FLI1: variants seen among roughly 807,000 people sequenced by gnomAD.
The protein encoded by FLI1 is Friend leukemia integration 1 transcription factor.
In FLI1, 13 loss-of-function variants were observed where a neutral mutation model predicts 53.1. The observed-to-expected ratio is 0.24, with a 90% CI of 0.16 to 0.39. FLI1 has a LOEUF of 0.39. FLI1 is among the 10% of genes least tolerant of loss of function. The probability of loss-of-function intolerance (pLI) is 1.00; values close to 1 mark genes in which losing one functional copy is unlikely to be tolerated. For synonymous variants in FLI1, 244 were observed against 236.7 expected, an observed-to-expected ratio of 1.03 and a Z score of -0.28; for missense variants, 424 against 600.5, an observed-to-expected ratio of 0.71 and a Z score of 3.07.
chr11:128,773,832 G>T, intron 4 of FLI1, among the ~76,000 whole-genome samples: 1 of 151,800 alleles, frequency 6.6e-6, no homozygotes, highest in Non-Finnish European at 1.5e-5. Context: ...CTGAAAAGAT[G>T]GTGCTAGGAT....
chr11:128,789,929 T>C (rs905464405), intron 5 of FLI1, among the ~76,000 whole-genome samples: 3 of 152,140 alleles, frequency 2.0e-5, no homozygotes, highest in African/African-American at 7.2e-5. Flanking sequence ...CACTTCAAAT[T>C]GGAGGGTATC....
chr11:128,694,592 A>C lies in FLI1; in HGVS notation c.18+316A>C, dbSNP rs11221436. Among the ~76,000 whole-genome samples the C allele has an allele frequency of 1, 152,112 of 152,128 alleles. 76,048 individuals carry two copies. The highest frequency in any genetic ancestry group is 1 in the Middle Eastern group (294 of 294). ...AAACCGGGGGACCCCAGGGTACGGAACGGAGTCAAGGGCGAGAGACCTCGG... is the reference window on the plus strand; with the variant it reads ...AAACCGGGGGACCCCAGGGTACGGACCGGAGTCAAGGGCGAGAGACCTCGG... On this transcript the variant is annotated intron_variant, in intron 1 of 8. Transcript: ENST00000527786.
intron 1 of FLI1, among the ~76,000 whole-genome samples, chr11:128,710,998 C>T (rs1480963278): frequency 6.6e-6 from 1 of 152,170 alleles, no homozygotes; most frequent in African/African-American, 2.4e-5. Context: ...GAAAACTTTC[C>T]TTATCAGGGC....
chr11:128,694,937 C>T (rs1365855298), intron 1 of FLI1, among the ~76,000 whole-genome samples: 2 of 152,158 alleles, frequency 1.3e-5, no homozygotes, highest in African/African-American at 4.8e-5. Flanking sequence ...GACTCCTGGG[C>T]CGGCCTCGCC....
intron 3 of FLI1, 46 bp from the exon 4 acceptor site, chr11:128,772,736 C>G (rs778394686): frequency 3.2e-6 from 5 of 1,538,564 alleles, no homozygotes; most frequent in Non-Finnish European, 4.5e-6. Flanking sequence ...CTCAGGGAGC[C>G]TCTACCTTCC....
intron 1 of FLI1, among the ~76,000 whole-genome samples, chr11:128,733,636 C>T (rs1238777997): frequency 6.6e-6 from 1 of 152,194 alleles, no homozygotes; most frequent in Non-Finnish European, 1.5e-5. Context: ...TCACATTCGC[C>T]ATTTGGACTC....
chr11:128,759,245 AAC>A (rs1941012285), intron 2 of FLI1, among the ~76,000 whole-genome samples: 1 of 152,232 alleles, frequency 6.6e-6, no homozygotes. Flanking sequence ...AATAAAAAGC[AAC>A]AGAGGGCCCT....
chr11:128,692,673 A>G (rs1401806504), upstream of FLI1: 1 of 152,102 alleles, frequency 6.6e-6, no homozygotes, highest in Non-Finnish European at 1.5e-5. Context: ...GCCTCTGTGG[A>G]CACCCTTTTG....
At chr11:128,697,112 C>G (rs750984789) in intron 1 of FLI1, among the ~76,000 whole-genome samples, 1 of 152,176 alleles carries the variant, frequency 6.6e-6, no homozygotes, top group Non-Finnish European at 1.5e-5. Context: ...AAACAACACC[C>G]GACCCACGCC....
chr11:128,784,395 C>T (rs670516), intron 5 of FLI1, among the ~76,000 whole-genome samples: 18,440 of 152,012 alleles, frequency 0.12, 2,521 homozygotes, highest in African/African-American at 0.33. Flanking sequence ...GGAGCAGCTC[C>T]CTCTTGCTGG....
intron 5 of FLI1, among the ~76,000 whole-genome samples, chr11:128,797,241 G>A (rs1942469933): frequency 6.6e-6 from 1 of 152,130 alleles, no homozygotes. Flanking sequence ...TAAAATATGG[G>A]GTTCATCTCA....
rs965532856 is a variant in FLI1 at position 128,695,692 on chromosome 11, A to G, written c.18+1416A>G. ...GGGTTAAAGGGAGCTATAAGAGCCT[A>G]TAAGAGCCTGGGTTCCTCAAACCCA... On this transcript the variant is annotated intron_variant, in intron 1 of 8. Coordinates refer to ENST00000527786, the MANE Select transcript of FLI1 (RefSeq NM_002017.5). Among the ~76,000 whole-genome samples the G allele has an allele frequency of 3.3e-5, 5 of 152,328 alleles. No individual in the cohort carries two copies. In the South Asian group the frequency reaches 1.0e-3, roughly 32 times the overall value.
intron 1 of FLI1, among the ~76,000 whole-genome samples, chr11:128,752,352 A>G (rs1226848486): frequency 1.3e-5 from 2 of 152,172 alleles, no homozygotes; most frequent in African/African-American, 2.4e-5. Context: ...ATCTCATTTT[A>G]TCTTTATCCA....
chr11:128,711,427 G>A (rs1045761546), intron 1 of FLI1, among the ~76,000 whole-genome samples: 1 of 152,208 alleles, frequency 6.6e-6, no homozygotes, highest in Non-Finnish European at 1.5e-5. Context: ...TTGGCCTGGG[G>A]CTGGAGCTAA....
intron 3 of FLI1, among the ~76,000 whole-genome samples, chr11:128,769,289 A>T (rs1328692318): frequency 6.6e-6 from 1 of 152,222 alleles, no homozygotes; most frequent in Admixed American, 6.5e-5. Flanking sequence ...AGGGGCAAGG[A>T]TGTCCAAATC....
At position 128,730,333 on chromosome 11, in the gene FLI1, G is replaced by A. The variant is rs538298659; in HGVS notation, c.19-27782G>A. ...CTGCGGGTGTAGGCCACACGTTTACGCTCACCTTTGTGGGTCAGCCTCTCA... is the reference window on the plus strand; with the variant it reads ...CTGCGGGTGTAGGCCACACGTTTACACTCACCTTTGTGGGTCAGCCTCTCA... On this transcript the variant is annotated intron_variant, in intron 1 of 8. Transcript: ENST00000527786. 8.5e-5 allele frequency among the ~76,000 whole-genome samples: 13 copies of A among 152,292 alleles called. No homozygotes were observed. In the East Asian group the frequency reaches 1.2e-3, roughly 14 times the overall value.
intron 1 of FLI1, among the ~76,000 whole-genome samples, chr11:128,729,001 C>G (rs1939589037): frequency 6.6e-6 from 1 of 152,236 alleles, no homozygotes; most frequent in Non-Finnish European, 1.5e-5. Context: ...AGATATGACA[C>G]AGCTACCCGT....
chr11:128,689,621 C>T (rs944662773), upstream of FLI1, among the ~76,000 whole-genome samples: 1 of 152,204 alleles, frequency 6.6e-6, no homozygotes, highest in Admixed American at 6.5e-5. Context: ...AGAATGAATG[C>T]TGTTTGGGGC....
At chr11:128,755,347 A>G (rs1217976666) in intron 1 of FLI1, among the ~76,000 whole-genome samples, 1 of 152,254 alleles carries the variant, frequency 6.6e-6, no homozygotes, top group Non-Finnish European at 1.5e-5. Flanking sequence ...AACGTAAGCC[A>G]TTCTCTACAG....
Sources: gnomAD v4.1 joint callset for allele counts (sites outside exome capture counted in the v4.1 genomes callset) on GRCh38, gnomAD v4.1.1 for gene constraint, MANE v1.5 for transcripts, NCBI Gene and HGNC (gene_info 2026-07-23, HGNC 2026-07-21) for gene names.